DLGAP4: variants seen among roughly 807,000 people sequenced by gnomAD.
DLGAP4 encodes the protein DLG associated protein 4.
In DLGAP4, 18 loss-of-function variants were observed where a neutral mutation model predicts 86.9. That is an observed-to-expected ratio of 0.21 (90% CI 0.14 to 0.31). The LOEUF is 0.31. Among genes scored for constraint, DLGAP4 ranks in the 10% least tolerant of loss-of-function variants. The probability of loss-of-function intolerance (pLI) is 1.00; values close to 1 mark genes in which losing one functional copy is unlikely to be tolerated. For synonymous variants in DLGAP4, 548 were observed against 574.3 expected, an observed-to-expected ratio of 0.95 and a Z score of 0.65; for missense variants, 1,085 against 1,362.6, an observed-to-expected ratio of 0.80 and a Z score of 3.21.
intron 2 of DLGAP4, among the ~76,000 whole-genome samples, chr20:36,374,964 G>A (rs998636502): frequency 1.3e-5 from 2 of 152,270 alleles, no homozygotes; most frequent in Non-Finnish European, 2.9e-5. Context: ...TTTGAATGGA[G>A]GGCAGAGAGA....
chr20:36,358,095 C>T (rs1174072594), intron 1 of DLGAP4, among the ~76,000 whole-genome samples: 10 of 152,188 alleles, frequency 6.6e-5, no homozygotes, highest in Admixed American at 3.3e-4. Context: ...CTGCCATGTC[C>T]CGGGGTTTAG....
At chr20:36,479,826 C>T (rs1010557022) in intron 7 of DLGAP4, among the ~76,000 whole-genome samples, 3 of 152,052 alleles carry the variant, frequency 2.0e-5, no homozygotes, top group African/African-American at 7.2e-5. Flanking sequence ...TGAATCTTCC[C>T]GAACTTAGTC....
At chr20:36,349,183 C>T (rs1363831285) in intron 1 of DLGAP4, among the ~76,000 whole-genome samples, 2 of 136,548 alleles carry the variant, frequency 1.5e-5, no homozygotes, top group Non-Finnish European at 3.1e-5. Flanking sequence ...CTTTGGGAGG[C>T]TGAGGCGGGT....
At chr20:36,317,490 G>A (rs1349420096) in intron 1 of DLGAP4, among the ~76,000 whole-genome samples, 1 of 90,786 alleles carries the variant, frequency 1.1e-5, no homozygotes, top group African/African-American at 4.4e-5. Context: ...TCAGAGCTCT[G>A]TTGCCCAGGC....
chr20:36,317,672 G>T, intron 1 of DLGAP4, among the ~76,000 whole-genome samples: 1 of 151,600 alleles, frequency 6.6e-6, no homozygotes, highest in East Asian at 1.9e-4. Flanking sequence ...GCCCAGGCTG[G>T]TCTTGAACTC....
At chr20:36,402,850 T>C (rs2032203298) in intron 2 of DLGAP4, among the ~76,000 whole-genome samples, 1 of 152,216 alleles carries the variant, frequency 6.6e-6, no homozygotes, top group Non-Finnish European at 1.5e-5. Flanking sequence ...AGCAACATAC[T>C]CAAAGTTCAC....
chr20:36,468,276 CAG>C (rs2034506712), intron 7 of DLGAP4, among the ~76,000 whole-genome samples: 1 of 152,230 alleles, frequency 6.6e-6, no homozygotes, highest in East Asian at 1.9e-4. Flanking sequence ...CAGCCCCCAC[CAG>C]AGAGGGGCCC....
intron 8 of DLGAP4, chr20:36,499,209 C>T (rs79626746): frequency 6.4e-7 from 1 of 1,554,964 alleles, no homozygotes; most frequent in African/African-American, 1.4e-5. Flanking sequence ...CTTTCGTCGT[C>T]CTTTTTTTTT....
intron 11 of DLGAP4, 103 bp from the exon 12 acceptor site, chr20:36,525,748 C>T (rs1405401438): frequency 3.2e-5 from 49 of 1,510,184 alleles, no homozygotes; most frequent in Admixed American, 9.1e-5. Flanking sequence ...AGAGCCCCCG[C>T]GGGTGCTGGC....
chr20:36,391,190 G>A (rs2031771409), intron 2 of DLGAP4, among the ~76,000 whole-genome samples: 1 of 152,228 alleles, frequency 6.6e-6, no homozygotes, highest in African/African-American at 2.4e-5. Flanking sequence ...CAGCTGCAGT[G>A]GCCTGGGGAC....
intron 2 of DLGAP4, among the ~76,000 whole-genome samples, chr20:36,379,331 CA>C (rs907227598): frequency 3.9e-5 from 6 of 152,172 alleles, no homozygotes; most frequent in Non-Finnish European, 7.3e-5. Context: ...GGGATCCTGT[CA>C]GGGGGAAGAG....
At chr20:36,461,904 G>T (rs2063649194) in intron 7 of DLGAP4, 1 of 984,568 alleles carries the variant, frequency 1.0e-6, no homozygotes, top group Non-Finnish European at 1.2e-6. Context: ...TCCCCATCTC[G>T]GGTCCCCTTC....
chr20:36,353,422 C>T (rs2030224805), intron 1 of DLGAP4, among the ~76,000 whole-genome samples: 1 of 152,256 alleles, frequency 6.6e-6, no homozygotes, highest in Admixed American at 6.5e-5. Flanking sequence ...GGTGCGTCTT[C>T]TCCATGGCCA....
At chr20:36,445,169 TA>T (rs1365182739) in intron 6 of DLGAP4, among the ~76,000 whole-genome samples, 1 of 152,082 alleles carries the variant, frequency 6.6e-6, no homozygotes, top group Admixed American at 6.6e-5. Context: ...TTAATTAATT[TA>T]AACCCAAATA....
chr20:36,313,550 G>C (rs1047205845), intron 1 of DLGAP4, among the ~76,000 whole-genome samples: 1 of 133,880 alleles, frequency 7.5e-6, no homozygotes, highest in Non-Finnish European at 1.5e-5. Flanking sequence ...CTCTGGGGTG[G>C]GGGGGGGTCA....
chr20:36,307,679 C>T (rs1259969839), intron 1 of DLGAP4, among the ~76,000 whole-genome samples: 5 of 151,986 alleles, frequency 3.3e-5, no homozygotes, highest in South Asian at 2.1e-4. Context: ...AATGACATAG[C>T]GGGAGGGGGC....
At chr20:36,485,140 C>T (rs566636882) in intron 7 of DLGAP4, among the ~76,000 whole-genome samples, 1 of 152,250 alleles carries the variant, frequency 6.6e-6, no homozygotes, top group South Asian at 2.1e-4. Flanking sequence ...AATCCCAGCA[C>T]TTTTGGAGGC....
At chr20:36,510,516 C>T (rs956400638) in intron 10 of DLGAP4, among the ~76,000 whole-genome samples, 23 of 152,150 alleles carry the variant, frequency 1.5e-4, no homozygotes, top group African/African-American at 3.9e-4. Context: ...CCACCTGCCT[C>T]GGCCTCCCAA....
intron 10 of DLGAP4, among the ~76,000 whole-genome samples, chr20:36,511,672 C>G (rs768905047): frequency 3.3e-5 from 5 of 151,926 alleles, no homozygotes; most frequent in Admixed American, 1.3e-4. Flanking sequence ...GTCAGGAGCT[C>G]GAGACCAGCC....
Sources: allele counts gnomAD v4.1 joint callset (sites outside exome capture counted in the v4.1 genomes callset), GRCh38; gene constraint gnomAD v4.1.1; transcripts MANE v1.5; gene names NCBI Gene and HGNC (gene_info 2026-07-23, HGNC 2026-07-21).